AMOTL1: variants seen among roughly 807,000 people sequenced by gnomAD.
AMOTL1 encodes angiomotin-like protein 1.
AMOTL1 carries 45 observed loss-of-function variants against 102.9 expected under a neutral mutation model. The ratio of observed to expected loss-of-function variants is 0.44; its 90% CI spans 0.34 to 0.56. The LOEUF is 0.56. Ranked by LOEUF, AMOTL1 falls within the 20% of genes least tolerant of loss-of-function variation. The pLI, the probability that AMOTL1 is intolerant of heterozygous loss-of-function variation, is 0.01. For synonymous variants in AMOTL1, 481 were observed against 484.7 expected, an observed-to-expected ratio of 0.99 and a Z score of 0.10; for missense variants, 1,114 against 1,225.6, an observed-to-expected ratio of 0.91 and a Z score of 1.36.
At chr11:94,721,248 A>T (rs1156876076) in intron 1 of AMOTL1, among the ~76,000 whole-genome samples, 1 of 152,160 alleles carries the variant, frequency 6.6e-6, no homozygotes, top group Non-Finnish European at 1.5e-5. Flanking sequence ...GATTTCACCA[A>T]TTTTGAAGAT....
intron 2 of AMOTL1, among the ~76,000 whole-genome samples, chr11:94,731,017 G>C (rs113092425): frequency 6.6e-6 from 1 of 152,136 alleles, no homozygotes. Flanking sequence ...ACTCCATACT[G>C]TGACCATCTC....
At chr11:94,810,496 C>CAA (rs5793699) in intron 3 of AMOTL1, among the ~76,000 whole-genome samples, 26,323 of 133,120 alleles carry the variant, frequency 0.2, 2,792 homozygotes, top group Non-Finnish European at 0.24. Flanking sequence ...TATTTTAGTC[C>CAA]AAAAAAAAAA....
In AMOTL1 at chr11:94,844,343, T is replaced by TC. The variant is rs554099940; in HGVS notation, c.1649-5771_1649-5770insC. Among the ~76,000 whole-genome samples the TC allele has an allele frequency of 2.9e-3, 437 of 152,258 alleles. 3 individuals carry two copies. The highest frequency in any genetic ancestry group is 0.01 in the African/African-American group (419 of 41,506). The stretch of plus-strand genomic sequence containing the variant: ...TCTCTCTCTCTCCCTTCCTTTCTTC[T>TC]TTCTCTCTCTCTGAGAGACCTAAAC... On this transcript the variant is annotated intron_variant, in intron 6 of 12. Coordinates refer to ENST00000433060, the MANE Select transcript of AMOTL1 (RefSeq NM_130847.3).
intron 8 of AMOTL1, 92 bp from the exon 9 acceptor site, chr11:94,859,433 G>T (rs1372042948): frequency 1.6e-6 from 2 of 1,253,744 alleles, no homozygotes; most frequent in South Asian, 1.8e-5. Flanking sequence ...ATTGCTGCAG[G>T]ATCTGGGGAA....
chr11:94,869,227 C>T lies in AMOTL1; in HGVS notation c.2518C>T (p.His840Tyr). ...GLLLGKEHHE[H>Y]ASAPLLPPPP... The stretch of plus-strand genomic sequence containing the variant: ...GCTGCTGGGGAAGGAGCACCATGAG[C>T]ATGCCTCTGCCCCACTGCTGCCACC... The change falls in exon 12 of 13, where the codon CAT becomes TAT. Residue 840 changes from histidine to tyrosine, a missense_variant. Physicochemically the swap from His to Tyr is moderately conservative, Grantham distance 83 (BLOSUM62 2). Transcript: ENST00000433060. The T allele has an allele frequency of 2.5e-6, 4 of 1,606,986 alleles. No homozygotes were observed. Among genetic ancestry groups the T allele is most frequent in the Non-Finnish European group, 2.6e-6 (3 of 1,174,222 alleles).
At chr11:94,854,472 C>T (rs1279935760) in intron 8 of AMOTL1, among the ~76,000 whole-genome samples, 6 of 152,136 alleles carry the variant, frequency 3.9e-5, no homozygotes, top group African/African-American at 1.4e-4. Context: ...TCCAGGGTAG[C>T]AGGGTGCAGG....
chr11:94,741,218 G>T (rs1950521230), intron 3 of AMOTL1, among the ~76,000 whole-genome samples: 1 of 151,788 alleles, frequency 6.6e-6, no homozygotes, highest in Admixed American at 6.6e-5. Context: ...GTGTGTGTGT[G>T]TGCGTGCGTG....
chr11:94,828,458 A>G (rs983312978), intron 4 of AMOTL1, among the ~76,000 whole-genome samples: 4 of 152,074 alleles, frequency 2.6e-5, no homozygotes, highest in Non-Finnish European at 5.9e-5. Context: ...GATCAGAGTT[A>G]TAATCTTCCT....
intron 4 of AMOTL1, among the ~76,000 whole-genome samples, chr11:94,824,125 T>C (rs567966874): frequency 1.3e-5 from 2 of 152,296 alleles, no homozygotes; most frequent in East Asian, 3.9e-4. Context: ...TTCTTAAAAG[T>C]TGTGGCCTAA....
chr11:94,785,727 G>C (rs1327252965), intron 1 of AMOTL1, among the ~76,000 whole-genome samples: 1 of 152,192 alleles, frequency 6.6e-6, no homozygotes, highest in East Asian at 1.9e-4. Context: ...CGGAAAGCTG[G>C]AGGAATCCGT....
intron 6 of AMOTL1, among the ~76,000 whole-genome samples, chr11:94,845,410 C>T (rs1039934399): frequency 6.6e-5 from 10 of 152,156 alleles, no homozygotes; most frequent in South Asian, 2.1e-4. Context: ...TGTTTTGCTT[C>T]AGTTTTCTAT....
At chr11:94,718,966 T>C (rs945583093) in intron 1 of AMOTL1, among the ~76,000 whole-genome samples, 2 of 151,982 alleles carry the variant, frequency 1.3e-5, no homozygotes, top group Non-Finnish European at 2.9e-5. Context: ...CATGCCAGAA[T>C]TGTAAAATTA....
At chr11:94,729,706 A>G (rs1044764552) in intron 2 of AMOTL1, among the ~76,000 whole-genome samples, 1 of 152,178 alleles carries the variant, frequency 6.6e-6, no homozygotes, top group Non-Finnish European at 1.5e-5. Flanking sequence ...GAGCCATTCT[A>G]TAGATGGACG....
At position 94,866,120 on chromosome 11, in the gene AMOTL1, C is replaced by A; in HGVS notation, c.2440C>A (p.Gln814Lys). The change falls in exon 11 of 13, where the codon CAG becomes AAG. Residue 814 changes from glutamine (Q) to lysine (K), a missense_variant. Gln to Lys is a moderately conservative substitution (Grantham distance 53). Coordinates refer to ENST00000433060, the MANE Select transcript of AMOTL1 (RefSeq NM_130847.3). Reference protein sequence around the residue: ...HSRQTSLTSSQLAEEKKEEKT... With the variant: ...HSRQTSLTSSKLAEEKKEEKT... ...TCGCCAGACCTCTCTTACCAGCAGC[C>A]AGCTGGCTGAGGAAAAGAAGGAAGA... 1 of 1,613,958 alleles carries A rather than the reference C, an allele frequency of 6.2e-7. No homozygotes were observed. Among genetic ancestry groups the A allele is most frequent in the East Asian group, 2.2e-5 (1 of 44,884 alleles).
At chr11:94,867,972 G>A (rs112308219) in intron 11 of AMOTL1, among the ~76,000 whole-genome samples, 22 of 152,318 alleles carry the variant, frequency 1.4e-4, no homozygotes, top group African/African-American at 4.8e-4. Context: ...GGCCTGTCTC[G>A]CAGGAATGAC....
Position 94,831,602 on chromosome 11 carries a change from A to T in AMOTL1, c.1648+61A>T, listed in dbSNP as rs1000649314. 12 of 1,407,500 alleles carry T rather than the reference A, an allele frequency of 8.5e-6. No individual in the cohort carries two copies. The African/African-American group carries it at 1.0e-4, about 12-fold the overall frequency. 87.2% of individuals were successfully genotyped at this position (1,407,500 alleles called of 1,614,324 possible). The stretch of plus-strand genomic sequence containing the variant: ...TTGTTTAAAAACGGGGTCCTGAAGG[A>T]AGAATCATATTAGTTTCAAGTGGGT... On this transcript the variant is annotated intron_variant, in intron 6 of 12. Transcript: ENST00000433060.
At chr11:94,851,287 A>G (rs1480023249) in intron 7 of AMOTL1, among the ~76,000 whole-genome samples, 1 of 152,220 alleles carries the variant, frequency 6.6e-6, no homozygotes, top group Non-Finnish European at 1.5e-5. Context: ...CTCCATCTCC[A>G]TGAGTGGAGC....
intron 3 of AMOTL1, among the ~76,000 whole-genome samples, chr11:94,742,617 G>GT (rs975721395): frequency 5.3e-5 from 8 of 152,138 alleles, no homozygotes; most frequent in Non-Finnish European, 1.2e-4. Flanking sequence ...AAAAAACAAT[G>GT]TTTTTTTCTC....
chr11:94,795,937 G>A (rs1297838504), intron 2 of AMOTL1, among the ~76,000 whole-genome samples: 1 of 152,200 alleles, frequency 6.6e-6, no homozygotes, highest in Non-Finnish European at 1.5e-5. Flanking sequence ...CGTAACCCCA[G>A]CACCTGTCCC....
Sources: allele counts gnomAD v4.1 joint callset (sites outside exome capture counted in the v4.1 genomes callset), GRCh38; gene constraint gnomAD v4.1.1; transcripts MANE v1.5; gene names NCBI Gene and HGNC (gene_info 2026-07-23, HGNC 2026-07-21).